The following KIF13A variants were observed in gnomAD, a reference collection of about 807,000 sequenced individuals.
KIF13A encodes kinesin family member 13A.
KIF13A carries 79 observed loss-of-function variants against 212.2 expected under a neutral mutation model. The ratio of observed to expected loss-of-function variants is 0.37; its 90% confidence interval spans 0.31 to 0.45. The LOEUF (loss-of-function observed/expected upper bound fraction) is 0.45. Ranked by LOEUF, KIF13A falls within the 20% of genes least tolerant of loss-of-function variation. The probability of loss-of-function intolerance (pLI) is 1.00; values close to 1 mark genes in which losing one functional copy is unlikely to be tolerated. For synonymous variants in KIF13A, 789 were observed against 808.6 expected (o/e 0.98, Z 0.41); for missense variants, 1,901 against 2,209.0 (o/e 0.86, Z 2.79).
intron 2 of KIF13A, among the ~76,000 whole-genome samples, chr6:17,955,432 G>A (rs891791449): frequency 6.6e-6 from 1 of 152,104 alleles, no homozygotes; most frequent in African/African-American, 2.4e-5. Flanking sequence ...GTAGACTTTT[G>A]CCACTTCACA....
chr6:17,793,915 A>T (rs1251719349), intron 25 of KIF13A, among the ~76,000 whole-genome samples: 4 of 147,214 alleles, frequency 2.7e-5, no homozygotes, highest in African/African-American at 1.0e-4. Context: ...CCTATCTTTT[A>T]AAAAAAAAAC....
intron 2 of KIF13A, among the ~76,000 whole-genome samples, chr6:17,952,372 C>G (rs557457572): frequency 6.7e-4 from 101 of 151,712 alleles, no homozygotes; most frequent in African/African-American, 2.4e-3. Flanking sequence ...GTGGCTCATG[C>G]CTGTAAACCC....
At chr6:17,906,959 G>A (rs1383367759) in intron 2 of KIF13A, among the ~76,000 whole-genome samples, 1 of 152,140 alleles carries the variant, frequency 6.6e-6, no homozygotes, top group Non-Finnish European at 1.5e-5. Flanking sequence ...GAGATAAGAT[G>A]CTACAGTCAA....
rs775387752 is a variant in KIF13A at position 17,772,020 on chromosome 6, G to C, written c.4364C>G (p.Pro1455Arg). ...SETPHALTVSPFKAFSPQPPK... is the reference protein window; with the variant it reads ...SETPHALTVSRFKAFSPQPPK... ...TGGCTGAGGAGAGAATGCTTTAAAA[G>C]GGCTGACGGTTAAGGCATGAGGAGT... Residue 1455 changes from proline (P) to arginine (R), a missense_variant, in exon 37 of 39, where the codon CCT becomes CGT. By Grantham distance (103) the Pro-to-Arg change is moderately radical. Around this residue, in one of 5 missense-constraint regions of KIF13A, gnomAD observed 687 missense variants for 759.1 expected, o/e 0.90. Transcript: ENST00000259711. The surrounding 1 kb of genome is among the most constrained non-coding windows in gnomAD (Gnocchi z 4.8). The C allele has an allele frequency of 6.2e-7, 1 of 1,613,820 alleles. No homozygotes were observed. The highest frequency in any genetic ancestry group is 8.5e-7 in the Non-Finnish European group (1 of 1,179,852).
At chr6:17,824,829 G>A (rs1764827781) in intron 16 of KIF13A, among the ~76,000 whole-genome samples, 1 of 151,128 alleles carries the variant, frequency 6.6e-6, no homozygotes, top group South Asian at 2.1e-4. Flanking sequence ...GAGGCTGCCT[G>A]TCTTAGGGCC....
rs926268042 is a variant in KIF13A at position 17,769,741 on chromosome 6, G to T, written c.4581+1373C>A. On this transcript the variant is annotated intron_variant, in intron 38 of 38. Coordinates refer to ENST00000259711, the MANE Select transcript of KIF13A (RefSeq NM_022113.6). This position sits in a 1 kb window ranked among gnomAD's most constrained non-coding sequence, Gnocchi z 5.8. Reference sequence around the variant, plus strand: ...AGATCCAATCAGACACAGAGCCAGAGAATTGGCAGGGGAAAAAACTAGTCA... The same window carrying T: ...AGATCCAATCAGACACAGAGCCAGATAATTGGCAGGGGAAAAAACTAGTCA... 1.3e-5 allele frequency among the ~76,000 whole-genome samples: 2 copies of T among 152,140 alleles called. No individual in the cohort carries two copies. The highest frequency in any genetic ancestry group is 4.8e-5 in the African/African-American group (2 of 41,432).
chr6:17,974,562 A>G (rs1175575282), intron 2 of KIF13A, among the ~76,000 whole-genome samples: 9 of 152,086 alleles, frequency 5.9e-5, no homozygotes. Flanking sequence ...TTCCTAACCT[A>G]CAGAATTCAT....
rs112600327 is a variant in KIF13A, at chr6:17,854,543, A to G, written c.494+894T>C. ...AAATAGATACTAGTTTTAAATCAGT[A>G]TAATTTTTTTTTTTTTTTTTTTTTT... On this transcript the variant is annotated intron_variant, in intron 6 of 38. Transcript: ENST00000259711. Among the ~76,000 whole-genome samples the G allele has an allele frequency of 6.1e-5, 8 of 131,642 alleles. 1 individual carries two copies. The highest frequency in any genetic ancestry group is 2.0e-4 in the African/African-American group (7 of 34,864). 86.4% of individuals were successfully genotyped at this position (131,642 alleles called of 152,430 possible). A position where few individuals can be genotyped will look rare whatever the true frequency, so the allele number is the denominator to read the frequency against.
In KIF13A at chr6:17,777,263, C is replaced by T. The variant is rs765804236; in HGVS notation, c.4170+14G>A. 6.3e-7 allele frequency: 1 copy of T among 1,598,602 alleles called. No homozygotes were observed. Among genetic ancestry groups the T allele is most frequent in the Non-Finnish European group, 8.6e-7 (1 of 1,168,592 alleles). On this transcript the variant is annotated intron_variant, in intron 34 of 38. Transcript: ENST00000259711. This position sits in a 1 kb window ranked among gnomAD's most constrained non-coding sequence, Gnocchi z 4.4. ...ATGTCACATAGGAGCAGATCCTTGG[C>T]AGGATGCACTTACATTATGAACATT... is the stretch of plus-strand genomic sequence containing the variant.
In KIF13A at chr6:17,849,407, T is replaced by C. The variant is rs778901339; in HGVS notation, c.800A>G (p.Glu267Gly). Residue 267 changes from glutamate (E) to glycine (G), a missense_variant, in exon 9 of 39, where the codon GAG (glutamate) becomes GGG (glycine). Coordinates refer to ENST00000259711, the MANE Select transcript of KIF13A (RefSeq NM_022113.6). The surrounding 1 kb of genome is among the most constrained non-coding windows in gnomAD (Gnocchi z 5.7). ...AATGTTGCTGCCTTCTTTCAGTCGC[T>C]CTCCTGCAGCTCCTGTTTTAGATAC... ...ERVSKTGAAG[E>G]RLKEGSNINK... 4 of 1,613,380 alleles carry C rather than the reference T, an allele frequency of 2.5e-6. No homozygotes were observed. The highest frequency in any genetic ancestry group is 2.2e-5 in the East Asian group (1 of 44,854).
Position 17,963,172 on chromosome 6 carries a change from C to G in KIF13A, c.146+23882G>C, listed in dbSNP as rs1399467552. On this transcript the variant is annotated intron_variant, in intron 2 of 38. Transcript: ENST00000259711. This position sits in a 1 kb window ranked among gnomAD's most constrained non-coding sequence, Gnocchi z 4.1. ...GTGGCTCATGCCTGTAATCCCAGCACTTTGGGAGGCCGAGGTGGGCGGATC... is the reference window on the plus strand; with the variant it reads ...GTGGCTCATGCCTGTAATCCCAGCAGTTTGGGAGGCCGAGGTGGGCGGATC... Among the ~76,000 whole-genome samples the G allele has an allele frequency of 6.6e-6, 1 of 152,140 alleles. No individual in the cohort carries two copies. The highest frequency in any genetic ancestry group is 1.5e-5 in the Non-Finnish European group (1 of 68,032).
chr6:17,851,226 G>C (rs1176993269), intron 7 of KIF13A, among the ~76,000 whole-genome samples: 1 of 152,142 alleles, frequency 6.6e-6, no homozygotes, highest in African/African-American at 2.4e-5. Flanking sequence ...TTTCCGATTA[G>C]AGCAATTCTA....
chr6:17,850,403 T>C lies in KIF13A; in HGVS notation c.637A>G (p.Asn213Asp). The C allele has an allele frequency of 1.2e-6, 2 of 1,613,936 alleles. No individual in the cohort carries two copies. Among genetic ancestry groups the C allele is most frequent in the Non-Finnish European group, 1.7e-6 (2 of 1,179,856 alleles). ...GAGCGGCTGCTTTCTTCGTTCATGT[T>C]GGTAGCAGCTACCGTTCGAGACTTA... ...GNKSRTVAAT[N>D]MNEESSRSHA... The change falls in exon 8 of 39, where the codon AAC becomes GAC. Residue 213 changes from asparagine (N) to aspartate (D), a missense_variant. This residue lies in a region of KIF13A where 506 missense variants were observed against 637.4 expected (regional missense o/e 0.79). Coordinates refer to ENST00000259711, the MANE Select transcript of KIF13A (RefSeq NM_022113.6). This position sits in a 1 kb window ranked among gnomAD's most constrained non-coding sequence, Gnocchi z 6.2.
At chr6:17,975,299 G>A (rs957661604) in intron 2 of KIF13A, among the ~76,000 whole-genome samples, 6 of 151,950 alleles carry the variant, frequency 3.9e-5, no homozygotes, top group South Asian at 4.2e-4. Context: ...GTTGCAATGA[G>A]CTGAGACTGT....
intron 2 of KIF13A, among the ~76,000 whole-genome samples, chr6:17,980,342 A>G (rs1189525263): frequency 6.6e-6 from 1 of 152,226 alleles, no homozygotes; most frequent in Non-Finnish European, 1.5e-5. Flanking sequence ...TTCTTAGGAA[A>G]CTACTGAAGG....
intron 14 of KIF13A, among the ~76,000 whole-genome samples, chr6:17,827,515 A>AT (rs35848228): frequency 0.014 from 1,990 of 142,510 alleles, 42 homozygotes; most frequent in African/African-American, 0.045. Context: ...TTCTCTCTAC[A>AT]TTTTTTTTTT....
rs114184296 is a variant in KIF13A at position 17,764,848 on chromosome 6, G to A, written c.4680C>T (p.Tyr1560=). 1.2e-3 allele frequency: 2,017 copies of A among 1,613,858 alleles called. 8 individuals are homozygous for A. Among genetic ancestry groups the A allele is most frequent in the African/African-American group, 9.6e-3 (720 of 75,040 alleles). ...ATTCCCTGTTCTCCAAGCTGGCATT[G>A]TAAACACTGAAGTCAGCAAACTCCA... ...VPVEFADFSV[Y]NASLENREWF... is the part of the protein sequence containing the mutation. The change falls in exon 39 of 39, where the codon TAC becomes TAT. Residue 1560 remains tyrosine, a synonymous_variant. Coordinates refer to ENST00000259711, the MANE Select transcript of KIF13A (RefSeq NM_022113.6). The surrounding 1 kb of genome is among the most constrained non-coding windows in gnomAD (Gnocchi z 5.1).
chr6:17,785,366 T>C lies in KIF13A; in HGVS notation c.3488+149A>G. On this transcript the variant is annotated intron_variant, in intron 28 of 38. Transcript: ENST00000259711. The surrounding 1 kb of genome is among the most constrained non-coding windows in gnomAD (Gnocchi z 5.8). ...TTCGGTGGGGAAGGAAAAAAAGGGATGGAAGCATTAGAGATGAGTGGACAT... is the reference window on the plus strand; with the variant it reads ...TTCGGTGGGGAAGGAAAAAAAGGGACGGAAGCATTAGAGATGAGTGGACAT... The C allele has an allele frequency of 1.2e-6, 1 of 853,840 alleles. No individual in the cohort carries two copies. The allele number at this position is 853,840 out of a possible 1,614,324, so 52.9% of individuals were successfully genotyped here. A position where few individuals can be genotyped will look rare whatever the true frequency, so the allele number is the denominator to read the frequency against.
intron 2 of KIF13A, among the ~76,000 whole-genome samples, chr6:17,953,329 T>C (rs887275174): frequency 1.3e-5 from 2 of 152,124 alleles, no homozygotes; most frequent in African/African-American, 4.8e-5. Context: ...TCTCAAAGAA[T>C]ACACTCCAAA....
Sources: gnomAD v4.1 joint callset for allele counts (sites outside exome capture counted in the v4.1 genomes callset) on GRCh38, gnomAD v4.1.1 for gene constraint, gnomAD v4.1.1 regional missense constraint, Gnocchi (gnomAD v3.1) non-coding constraint, MANE v1.5 for transcripts, NCBI Gene and HGNC (gene_info 2026-07-23, HGNC 2026-07-21) for gene names.